CDYL: variants seen among roughly 807,000 people sequenced by gnomAD.
CDYL encodes the protein chromodomain Y like.
A neutral mutation model predicts 47.3 loss-of-function variants in CDYL; 8 were observed. The observed-to-expected ratio is 0.17, with a 90% confidence interval of 0.10 to 0.31. The LOEUF (loss-of-function observed/expected upper bound fraction) is 0.31, where lower values mean the gene tolerates loss of function less well. Among genes scored for constraint, CDYL ranks in the 10% least tolerant of loss-of-function variants. The pLI, the probability that CDYL is intolerant of heterozygous loss-of-function variation, is 1.00. For missense variants in CDYL, 471 were observed against 701.4 expected (o/e 0.67, Z 3.71); for synonymous variants, 266 against 265.0 (o/e 1.00, Z -0.04).
intron 2 of CDYL, among the ~76,000 whole-genome samples, chr6:4,897,414 G>T (rs1282119483): frequency 6.6e-6 from 1 of 152,210 alleles, no homozygotes; most frequent in Admixed American, 6.5e-5. Context: ...AAGAGAAAGT[G>T]TTGAGGAAAA....
At chr6:4,756,578 G>GTC (rs766070764) in intron 3 of CDYL, among the ~76,000 whole-genome samples, 5 of 141,104 alleles carry the variant, frequency 3.5e-5, no homozygotes, top group South Asian at 2.3e-4. Context: ...ATTATCGTGT[G>GTC]TATGTGTGTG....
intron 2 of CDYL, among the ~76,000 whole-genome samples, chr6:4,913,753 G>A (rs979346374): frequency 3.2e-4 from 48 of 152,296 alleles, no homozygotes; most frequent in African/African-American, 1.1e-3. Context: ...GAGGCCAGAC[G>A]GTCTCTACTA....
intron 2 of CDYL, among the ~76,000 whole-genome samples, chr6:4,716,871 C>T (rs1331605954): frequency 2.0e-5 from 3 of 151,856 alleles, no homozygotes; most frequent in East Asian, 1.9e-4. Flanking sequence ...TTCTGCAAGC[C>T]GAAAAAGACA....
At chr6:4,908,307 C>T (rs1438563376) in intron 2 of CDYL, among the ~76,000 whole-genome samples, 1 of 152,138 alleles carries the variant, frequency 6.6e-6, no homozygotes, top group Admixed American at 6.5e-5. Context: ...GCAGGCCATC[C>T]AGGCCGTGTA....
At chr6:4,905,532 G>A (rs576471554) in intron 2 of CDYL, among the ~76,000 whole-genome samples, 7 of 152,314 alleles carry the variant, frequency 4.6e-5, no homozygotes, top group Non-Finnish European at 8.8e-5. Flanking sequence ...AGAAGCAGTC[G>A]GTGGGAGAGG....
chr6:4,954,153 C>A lies in CDYL; in HGVS notation c.*97C>A. On this transcript the variant is annotated 3_prime_UTR_variant, in exon 7 of 7. Coordinates refer to ENST00000397588, the MANE Select transcript of CDYL (RefSeq NM_004824.4). ...ATCCATTCTCACAGCCTGAAACAAG[C>A]TCACCCGTAGCTTACGCTTGGAAGC... The A allele has an allele frequency of 1.5e-6, 2 of 1,349,126 alleles. No homozygotes were observed. The highest frequency in any genetic ancestry group is 2.0e-6 in the Non-Finnish European group (2 of 989,332). 83.6% of individuals were successfully genotyped at this position (1,349,126 alleles called of 1,614,324 possible). A position where few individuals can be genotyped will look rare whatever the true frequency, so the allele number is the denominator to read the frequency against.
chr6:4,741,046 C>G (rs1045882029), intron 3 of CDYL, among the ~76,000 whole-genome samples: 3 of 152,118 alleles, frequency 2.0e-5, no homozygotes, highest in African/African-American at 7.2e-5. Flanking sequence ...CTCAGCCTCC[C>G]AAAGTGCTGG....
At chr6:4,758,368 A>ATATATATC (rs1400799578) in intron 3 of CDYL, among the ~76,000 whole-genome samples, 1 of 144,542 alleles carries the variant, frequency 6.9e-6, no homozygotes, top group South Asian at 2.2e-4. Flanking sequence ...ATATATATAT[A>ATATATATC]TATCTCTTTG....
At chr6:4,892,720 T>C (rs1762085881) in intron 2 of CDYL, among the ~76,000 whole-genome samples, 2 of 152,320 alleles carry the variant, frequency 1.3e-5, no homozygotes, top group South Asian at 2.1e-4. Flanking sequence ...CTGAGTCTTG[T>C]CTCGTGTTAA....
At chr6:4,816,688 G>A (rs1367143445) in intron 1 of CDYL, among the ~76,000 whole-genome samples, 1 of 151,540 alleles carries the variant, frequency 6.6e-6, no homozygotes, top group Non-Finnish European at 1.5e-5. Context: ...GGGGTTTTGC[G>A]ATGTTGCCCA....
chr6:4,923,617 T>A (rs567069653), intron 2 of CDYL, among the ~76,000 whole-genome samples: 1 of 152,292 alleles, frequency 6.6e-6, no homozygotes, highest in Non-Finnish European at 1.5e-5. Context: ...TATGGTAGAT[T>A]TATTTTTGAA....
At chr6:4,770,237 C>G (rs1758318968) in intron 3 of CDYL, among the ~76,000 whole-genome samples, 1 of 151,960 alleles carries the variant, frequency 6.6e-6, no homozygotes, top group Admixed American at 6.6e-5. Context: ...TAGCAAGGTG[C>G]CTGGCATACA....
intron 2 of CDYL, among the ~76,000 whole-genome samples, chr6:4,717,893 C>G (rs370831397): frequency 6.5e-4 from 98 of 150,858 alleles, no homozygotes; most frequent in African/African-American, 2.3e-3. Flanking sequence ...ATCACATAGG[C>G]TGAAGTGCAG....
intron 1 of CDYL, among the ~76,000 whole-genome samples, chr6:4,885,899 T>G (rs1309382405): frequency 6.6e-6 from 1 of 152,218 alleles, no homozygotes; most frequent in Non-Finnish European, 1.5e-5. Flanking sequence ...AGCTATCATC[T>G]TCCTATTTAC....
At chr6:4,849,695 A>AG (rs1352533937) in intron 1 of CDYL, among the ~76,000 whole-genome samples, 2 of 151,960 alleles carry the variant, frequency 1.3e-5, no homozygotes, top group Non-Finnish European at 2.9e-5. Flanking sequence ...AAAAAAAAAA[A>AG]AAGTCTCTTC....
Position 4,954,086 on chromosome 6 carries a change from A to G in CDYL, c.*30A>G, listed in dbSNP as rs1758795984. On this transcript the variant is annotated 3_prime_UTR_variant, in exon 7 of 7. Coordinates refer to ENST00000397588, the MANE Select transcript of CDYL (RefSeq NM_004824.4). ...CGGGCTGCCCACTGGTGACACCGGG[A>G]TCGGGCTGAGCAGGAGAACATCACC... is the stretch of plus-strand genomic sequence containing the variant. 1 of 1,604,480 alleles carries G rather than the reference A, an allele frequency of 6.2e-7. No homozygotes were observed. Among genetic ancestry groups the G allele is most frequent in the Non-Finnish European group, 8.5e-7 (1 of 1,173,846 alleles).
intron 2 of CDYL, chr6:4,718,605 T>TA: frequency 6.7e-6 from 1 of 148,908 alleles, no homozygotes. Flanking sequence ...CTGAAAAGTA[T>TA]AAAAAAGGTT....
intron 2 of CDYL, among the ~76,000 whole-genome samples, chr6:4,919,771 T>A (rs1282048124): frequency 2.0e-5 from 3 of 152,284 alleles, no homozygotes; most frequent in Non-Finnish European, 4.4e-5. Context: ...TAATTACTAA[T>A]TAAACACATT....
intron 1 of CDYL, among the ~76,000 whole-genome samples, chr6:4,711,063 A>G (rs1007492881): frequency 3.3e-5 from 5 of 152,154 alleles, no homozygotes; most frequent in African/African-American, 9.7e-5. Context: ...TGTAAAAGAA[A>G]TAAGACCTTC....
Sources: allele counts gnomAD v4.1 joint callset (sites outside exome capture counted in the v4.1 genomes callset), GRCh38; gene constraint gnomAD v4.1.1; transcripts MANE v1.5; gene names NCBI Gene and HGNC (gene_info 2026-07-23, HGNC 2026-07-21).